FSIP2: variants seen among roughly 807,000 people sequenced by gnomAD.
FSIP2 encodes fibrous sheath interacting protein 2.
In FSIP2, 367 loss-of-function variants were observed where a neutral mutation model predicts 510.5. The observed-to-expected ratio is 0.72, with a 90% CI of 0.66 to 0.78. The LOEUF is 0.78. FSIP2 is among the 30% of genes least tolerant of loss of function. FSIP2 has a pLI of 0.00. For missense variants in FSIP2, 7,594 were observed against 7,901.7 expected, an observed-to-expected ratio of 0.96 and a Z score of 1.48; for synonymous variants, 2,601 against 2,732.2, an observed-to-expected ratio of 0.95 and a Z score of 1.50.
intron 13 of FSIP2, chr2:185,765,001 T>C (rs191408381): frequency 6.6e-6 from 1 of 152,548 alleles, no homozygotes; most frequent in East Asian, 1.9e-4. Flanking sequence ...TTTTCTGCTT[T>C]TACAGCAGCT....
In FSIP2 at chr2:185,793,351, T is replaced by C. The variant is rs1178160919; in HGVS notation, c.6215T>C (p.Val2072Ala). The C allele has an allele frequency of 1.2e-5, 19 of 1,533,908 alleles. No homozygotes were observed. The highest frequency in any genetic ancestry group is 1.7e-5 in the Non-Finnish European group (19 of 1,145,598). ...ATCGATTTAGATCAGCAAAAAGGTG[T>C]TATTGAAAAGCTGCTCAATGAGACC... ...KEIDLDQQKG[V>A]IEKLLNETKY... Residue 2072 changes from valine (V) to alanine (A), a missense_variant, in exon 16 of 23, where the codon GTT becomes GCT. Coordinates refer to ENST00000424728, the MANE Select transcript of FSIP2 (RefSeq NM_173651.4).
At chr2:185,821,923 C>T (rs1431282890) in intron 19 of FSIP2, among the ~76,000 whole-genome samples, 1 of 98,216 alleles carries the variant, frequency 1.0e-5, no homozygotes, top group Admixed American at 1.0e-4. Flanking sequence ...GAGACCCTAT[C>T]TCAAAAAAAA....
intron 13 of FSIP2, 108 bp downstream of exon 13, chr2:185,764,673 A>C: frequency 2.6e-6 from 2 of 780,604 alleles, no homozygotes; most frequent in East Asian, 5.7e-5. Context: ...AGTTTTAATC[A>C]TTCAAGGAAA....
chr2:185,763,047 A>C (rs1207545451), intron 11 of FSIP2, 136 bp from the exon 12 acceptor site: 1 of 575,398 alleles, frequency 1.7e-6, no homozygotes, highest in Non-Finnish European at 3.1e-6. Flanking sequence ...GACTCAAATA[A>C]ATCCCTGATT....
At position 185,789,325 on chromosome 2, in the gene FSIP2, C is replaced by T. The variant is rs1324442866; in HGVS notation, c.2189C>T (p.Thr730Ile). The T allele has an allele frequency of 2.6e-6, 4 of 1,534,744 alleles. No individual in the cohort carries two copies. In the African/African-American group the frequency reaches 5.5e-5, roughly 21 times the overall value. The change falls in exon 16 of 23, where the codon ACT becomes ATT. Residue 730 changes from threonine (T) to isoleucine (I), a missense_variant. Transcript: ENST00000424728. ...TQAIPSLSSV[T>I]AEVFVEQCER... ...GCCATTCCCTCTCTCTCTTCTGTTA[C>T]TGCTGAAGTTTTTGTTGAACAATGT...
Position 185,814,054 on chromosome 2 carries a change from G to A in FSIP2, c.20325+12G>A. 2 of 1,600,612 alleles carry A rather than the reference G, an allele frequency of 1.2e-6. No individual in the cohort carries two copies. Among genetic ancestry groups the A allele is most frequent in the South Asian group, 1.1e-5 (1 of 89,046 alleles). On this transcript the variant is annotated intron_variant, in intron 18 of 22. Transcript: ENST00000424728. The stretch of plus-strand genomic sequence containing the variant: ...AGCCCCAGTGTAAGGTAAGTGATAA[G>A]CATGACTGTTAGTGACTAGAAAGGG...
chr2:185,777,313 G>A (rs1185893267), intron 13 of FSIP2, among the ~76,000 whole-genome samples: 3 of 151,136 alleles, frequency 2.0e-5, no homozygotes, highest in African/African-American at 7.3e-5. Flanking sequence ...AGAAGTAACT[G>A]TGTTTTTATA....
Position 185,794,664 on chromosome 2 carries a change from G to A in FSIP2, c.7528G>A (p.Glu2510Lys), listed in dbSNP as rs868105774. 3 of 1,532,984 alleles carry A rather than the reference G, an allele frequency of 2.0e-6. No homozygotes were observed. In the Admixed American group the frequency reaches 5.9e-5, roughly 30 times the overall value. The allele number at this position is 1,532,984 out of a possible 1,614,324, so 95.0% of individuals were successfully genotyped here. A position where few individuals can be genotyped will look rare whatever the true frequency, so the allele number is the denominator to read the frequency against. The change falls in exon 16 of 23, where the codon GAA (glutamate) becomes AAA (lysine). Residue 2510 changes from glutamate (E) to lysine (K), a missense_variant. Physicochemically the swap from Glu to Lys is moderately conservative, Grantham distance 56. Coordinates refer to ENST00000424728, the MANE Select transcript of FSIP2 (RefSeq NM_173651.4). ...CACAGGCCATTTGCCTCCACTTAAT[G>A]AAACTGCCAACTTTATATCTAATTC... ...EVTGHLPPLN[E>K]TANFISNSKI...
intron 20 of FSIP2, among the ~76,000 whole-genome samples, chr2:185,825,088 C>G (rs1170230161): frequency 6.6e-6 from 1 of 151,672 alleles, no homozygotes; most frequent in Non-Finnish European, 1.5e-5. Context: ...CATTAAAAGT[C>G]AAACCACAAG....
upstream of FSIP2, chr2:185,738,456 G>C: frequency 1.5e-6 from 1 of 685,262 alleles, no homozygotes; most frequent in Admixed American, 3.0e-5. Context: ...GCCTGGGGAT[G>C]GGGTGTGGTC....
intron 17 of FSIP2, 65 bp from the exon 18 acceptor site, chr2:185,813,480 T>A: frequency 3.0e-6 from 3 of 984,018 alleles, no homozygotes; most frequent in Non-Finnish European, 4.3e-6. Context: ...AGCTACATCA[T>A]AATTGAACTA....
chr2:185,752,503 T>G (rs916299581), intron 7 of FSIP2, among the ~76,000 whole-genome samples: 1 of 151,378 alleles, frequency 6.6e-6, no homozygotes, highest in Non-Finnish European at 1.5e-5. Context: ...TATTATTATC[T>G]AATATTTATT....
At chr2:185,786,202 A>AT in intron 14 of FSIP2, 50 bp from the exon 15 acceptor site, 1 of 1,232,762 alleles carries the variant, frequency 8.1e-7, no homozygotes, top group Non-Finnish European at 1.1e-6. Flanking sequence ...GAAAAGTTTT[A>AT]TAAATTTTTG....
Position 185,759,805 on chromosome 2 carries a change from A to G in FSIP2, c.1079-1183A>G, listed in dbSNP as rs568986091. ...CTGATGTCAGTGTATGAGATAGAAA[A>G]TGTTCACTCTTCTTCAATTTCCTGG... is the stretch of plus-strand genomic sequence containing the variant. On this transcript the variant is annotated intron_variant, in intron 9 of 22. Coordinates refer to ENST00000424728, the MANE Select transcript of FSIP2 (RefSeq NM_173651.4). Among the ~76,000 whole-genome samples, 37 of 150,632 alleles carry G rather than the reference A, an allele frequency of 2.5e-4. 1 individual carries two copies. Among genetic ancestry groups the G allele is most frequent in the Middle Eastern group, 3.4e-3 (1 of 292 alleles).
rs186500852 is a variant in FSIP2, at chr2:185,792,966, G to C, written c.5830G>C (p.Val1944Leu). The C allele has an allele frequency of 1.2e-4, 177 of 1,534,234 alleles. No individual in the cohort carries two copies. The African/African-American group carries it at 2.2e-3, about 19-fold the overall frequency. Residue 1944 changes from valine (V) to leucine (L), a missense_variant, in exon 16 of 23, where the codon GTC becomes CTC. By Grantham distance (32) the Val-to-Leu change is conservative. Transcript: ENST00000424728. Reference protein sequence around the residue: ...SKVKSLFYSQVNFTVPVALPI... With the variant: ...SKVKSLFYSQLNFTVPVALPI... ...AGTAAAATCTCTCTTTTATTCTCAA[G>C]TCAACTTTACAGTTCCAGTGGCTTT...
chr2:185,807,345 G>A lies in FSIP2; in HGVS notation c.18039G>A (p.Leu6013=). The change falls in exon 17 of 23, where the codon TTG becomes TTA. Residue 6013 remains leucine, a synonymous_variant. Transcript: ENST00000424728. ...PYTIILPHKF[L]ENVISALFSK... ...CAATAATATTACCTCATAAATTTTT[G>A]GAGAATGTGATTTCTGCTCTTTTCT... 1 of 1,610,196 alleles carries A rather than the reference G, an allele frequency of 6.2e-7. No individual in the cohort carries two copies. The highest frequency in any genetic ancestry group is 2.2e-5 in the East Asian group (1 of 44,788).
Position 185,789,944 on chromosome 2 carries a change from G to A in FSIP2, c.2808G>A (p.Gln936=), listed in dbSNP as rs1245487790. The A allele has an allele frequency of 6.5e-7, 1 of 1,534,160 alleles. No homozygotes were observed. The highest frequency in any genetic ancestry group is 1.4e-5 in the African/African-American group (1 of 72,870). ...CTGAAGAAACCGTAGTACTCCTTCA[G>A]CTACTTGAGGACATCCTTTTTCAGC... ...IASEETVVLL[Q]LLEDILFQLH... is the part of the protein sequence containing the mutation. Residue 936 remains glutamine (Q), a synonymous_variant, in exon 16 of 23, where the codon CAG becomes CAA. Coordinates refer to ENST00000424728, the MANE Select transcript of FSIP2 (RefSeq NM_173651.4).
chr2:185,790,790 C>T lies in FSIP2; in HGVS notation c.3654C>T (p.Tyr1218=). ...EHIVKEAPNK[Y]PLKTWFDSEK... Reference sequence around the variant, plus strand: ...TAGTCAAAGAAGCACCAAATAAATACCCATTAAAAACATGGTTTGACAGTG... The same window carrying T: ...TAGTCAAAGAAGCACCAAATAAATATCCATTAAAAACATGGTTTGACAGTG... The change falls in exon 16 of 23, where the codon TAC becomes TAT. Residue 1218 remains tyrosine, a synonymous_variant. Transcript: ENST00000424728. 1 of 1,531,982 alleles carries T rather than the reference C, an allele frequency of 6.5e-7. No individual in the cohort carries two copies. The highest frequency in any genetic ancestry group is 8.7e-7 in the Non-Finnish European group (1 of 1,144,376). 94.9% of individuals were successfully genotyped at this position (1,531,982 alleles called of 1,614,324 possible). A position where few individuals can be genotyped will look rare whatever the true frequency, so the allele number is the denominator to read the frequency against.
At chr2:185,762,422 G>C (rs1692372928) in intron 11 of FSIP2, among the ~76,000 whole-genome samples, 1 of 151,136 alleles carries the variant, frequency 6.6e-6, no homozygotes, top group Admixed American at 6.6e-5. Flanking sequence ...CCCAATATCT[G>C]TGTGCCTTGT....
Sources: allele counts gnomAD v4.1 joint callset (sites outside exome capture counted in the v4.1 genomes callset), GRCh38; gene constraint gnomAD v4.1.1; transcripts MANE v1.5; gene names NCBI Gene and HGNC (gene_info 2026-07-23, HGNC 2026-07-21).